The following DSCAM variants were observed in gnomAD, a reference collection of about 807,000 sequenced individuals.
The protein encoded by DSCAM is cell adhesion molecule DSCAM.
A neutral mutation model predicts 217.7 loss-of-function variants in DSCAM; 47 were observed. The ratio of observed to expected loss-of-function variants is 0.22; its 90% CI spans 0.17 to 0.28. The LOEUF is 0.28. Ranked by LOEUF, DSCAM falls within the 10% of genes least tolerant of loss-of-function variation. DSCAM has a pLI of 1.00. For missense variants in DSCAM, 2,080 were observed against 2,618.3 expected (o/e 0.79, Z 4.49); for synonymous variants, 1,056 against 1,015.3 (o/e 1.04, Z -0.76).
intron 5 of DSCAM, among the ~76,000 whole-genome samples, chr21:40,352,850 A>G (rs941493133): frequency 6.6e-6 from 1 of 152,034 alleles, no homozygotes; most frequent in African/African-American, 2.4e-5. Flanking sequence ...CCTTCCTCCA[A>G]ATCTGCCTTC....
intron 1 of DSCAM, among the ~76,000 whole-genome samples, chr21:40,766,807 A>G (rs1221885842): frequency 2.0e-5 from 3 of 149,624 alleles, no homozygotes; most frequent in Admixed American, 6.7e-5. Flanking sequence ...CTCCTGCCTC[A>G]GCTTCCCAAG....
At chr21:40,374,598 G>A (rs2074931631) in intron 3 of DSCAM, among the ~76,000 whole-genome samples, 1 of 152,246 alleles carries the variant, frequency 6.6e-6, no homozygotes. Context: ...AAGGCTTGGG[G>A]AAAGGAGGAT....
intron 1 of DSCAM, among the ~76,000 whole-genome samples, chr21:40,775,192 A>G (rs999592474): frequency 6.6e-6 from 1 of 152,138 alleles, no homozygotes; most frequent in Non-Finnish European, 1.5e-5. Context: ...CTTGAAAATC[A>G]CTATCAGAAA....
chr21:40,498,380 G>A lies in DSCAM; in HGVS notation c.509-129135C>T, dbSNP rs182047045. 1.4e-4 allele frequency among the ~76,000 whole-genome samples: 21 copies of A among 151,856 alleles called. No homozygotes were observed. The East Asian group carries it at 1.6e-3, about 11-fold the overall frequency. On this transcript the variant is annotated intron_variant, in intron 3 of 32. Transcript: ENST00000400454. Reference sequence around the variant, plus strand: ...CTGTGAGGACTAAACAAAGCAATGCGTATAAAAAACCACACAGTGGCTGGC... The same window carrying A: ...CTGTGAGGACTAAACAAAGCAATGCATATAAAAAACCACACAGTGGCTGGC...
intron 8 of DSCAM, 72 bp downstream of exon 8, chr21:40,338,029 T>C: frequency 6.4e-7 from 1 of 1,566,604 alleles, no homozygotes; most frequent in South Asian, 1.2e-5. Flanking sequence ...ATTACCCGAC[T>C]TCAAATCATT....
intron 3 of DSCAM, among the ~76,000 whole-genome samples, chr21:40,635,943 AAAAC>A (rs1480043012): frequency 1.3e-5 from 2 of 152,236 alleles, no homozygotes; most frequent in African/African-American, 4.8e-5. Context: ...TTAAAAAACT[AAAAC>A]AAATGAAAAG....
rs1568986503 is a variant in DSCAM at position 40,182,669 on chromosome 21, C to CGG, written c.2780-3576_2780-3575insCC. On this transcript the variant is annotated intron_variant, in intron 14 of 32. Coordinates refer to ENST00000400454, the MANE Select transcript of DSCAM (RefSeq NM_001389.5). ...AGGGGGTTACCAGAGAAACCGTGGA[C>CGG]AGGGGGGGGTTACCAGAGAAACCGT... Among the ~76,000 whole-genome samples the CGG allele has an allele frequency of 5.9e-3, 104 of 17,686 alleles. 1 individual carries two copies. Among genetic ancestry groups the CGG allele is most frequent in the African/African-American group, 8.9e-3 (30 of 3,352 alleles). 11.6% of individuals were successfully genotyped at this position (17,686 alleles called of 152,430 possible). A position where few individuals can be genotyped will look rare whatever the true frequency, so the allele number is the denominator to read the frequency against.
Position 40,175,542 on chromosome 21 carries a change from C to A in DSCAM, c.2947+3385G>T, listed in dbSNP as rs73362186. 7.5e-3 allele frequency among the ~76,000 whole-genome samples: 1,143 copies of A among 152,116 alleles called. 17 individuals carry two copies. Among genetic ancestry groups the A allele is most frequent in the African/African-American group, 0.026 (1,083 of 41,504 alleles). On this transcript the variant is annotated intron_variant, in intron 15 of 32. Transcript: ENST00000400454. ...ATAGTGCCTTCTTCCCATGTCCTCC[C>A]GGGGCAGAAGGGGTAAGTGATCTTA...
At chr21:40,117,150 C>G (rs376684823) in intron 20 of DSCAM, among the ~76,000 whole-genome samples, 134 of 151,944 alleles carry the variant, frequency 8.8e-4, no homozygotes, top group African/African-American at 2.8e-3. Flanking sequence ...GTACATAACA[C>G]AATTTCTTGC....
chr21:40,834,476 C>T (rs1215023321), intron 1 of DSCAM, among the ~76,000 whole-genome samples: 1 of 149,148 alleles, frequency 6.7e-6, no homozygotes, highest in African/African-American at 2.5e-5. Flanking sequence ...AATAGTTGCC[C>T]AGTTCCATGG....
At chr21:40,162,145 C>G (rs2090547349) in intron 16 of DSCAM, among the ~76,000 whole-genome samples, 1 of 152,124 alleles carries the variant, frequency 6.6e-6, no homozygotes, top group Non-Finnish European at 1.5e-5. Context: ...GCTCAGAAAC[C>G]CAGGAGGCAG....
rs73366924 is a variant in DSCAM, at chr21:40,569,103, T to A, written c.508+123707A>T. On this transcript the variant is annotated intron_variant, in intron 3 of 32. Coordinates refer to ENST00000400454, the MANE Select transcript of DSCAM (RefSeq NM_001389.5). ...AGGGTCCCTCAACTGGACACAGACCTACCCACTGTGCAGGAGAGCTGGCCC... is the reference window on the plus strand; with the variant it reads ...AGGGTCCCTCAACTGGACACAGACCAACCCACTGTGCAGGAGAGCTGGCCC... Among the ~76,000 whole-genome samples, 4 of 152,290 alleles carry A rather than the reference T, an allele frequency of 2.6e-5. No individual in the cohort carries two copies. The East Asian group carries it at 7.7e-4, about 29-fold the overall frequency.
rs1256170200 is a variant in DSCAM, at chr21:40,133,927, G to C, written c.3489C>G (p.Ile1163Met). The C allele has an allele frequency of 6.2e-7, 1 of 1,613,818 alleles. No homozygotes were observed. Among genetic ancestry groups the C allele is most frequent in the Non-Finnish European group, 8.5e-7 (1 of 1,179,880 alleles). The change falls in exon 19 of 33, where the codon ATC becomes ATG. Residue 1163 changes from isoleucine (I) to methionine (M), a missense_variant. Physicochemically the swap from Ile to Met is conservative, Grantham distance 10. Coordinates refer to ENST00000400454, the MANE Select transcript of DSCAM (RefSeq NM_001389.5). ...DGLEKYTNYS[I>M]QVLAFTRAGD... ...CTGCGCGGGTGAAGGCCAGCACCTG[G>C]ATGCTGTAGTTGGTGTACTTTTCCA...
Position 40,708,702 on chromosome 21 carries a change from C to G in DSCAM, c.113G>C (p.Ser38Thr). 1.2e-6 allele frequency: 2 copies of G among 1,611,428 alleles called. No individual in the cohort carries two copies. The highest frequency in any genetic ancestry group is 1.7e-5 in the Admixed American group (1 of 59,692). Residue 38 changes from serine (S) to threonine (T), a missense_variant, in exon 2 of 33, where the codon AGC becomes ACC. Physicochemically the swap from Ser to Thr is moderately conservative, Grantham distance 58 (BLOSUM62 1). Coordinates refer to ENST00000400454, the MANE Select transcript of DSCAM (RefSeq NM_001389.5). The stretch of plus-strand genomic sequence containing the variant: ...GCAGGGCACCAGAGTCCCCGTGGTG[C>G]TGGCAAACACTACCTCTTGCAGAGA... ...NASLQEVVFA[S>T]TTGTLVPCPA...
At chr21:40,733,871 C>A (rs763166413) in intron 1 of DSCAM, among the ~76,000 whole-genome samples, 12 of 152,128 alleles carry the variant, frequency 7.9e-5, no homozygotes, top group Non-Finnish European at 1.5e-4. Flanking sequence ...TGCTGCCACC[C>A]GTCAGCACCA....
At chr21:40,084,041 A>C (rs1408177393) in intron 23 of DSCAM, 35 bp from the exon 24 acceptor site, 2 of 1,534,346 alleles carry the variant, frequency 1.3e-6, no homozygotes, top group African/African-American at 2.8e-5. Flanking sequence ...AACAAGAATT[A>C]GTTTTTCACA....
chr21:40,676,292 C>A (rs960145639), intron 3 of DSCAM, among the ~76,000 whole-genome samples: 2 of 152,188 alleles, frequency 1.3e-5, no homozygotes, highest in African/African-American at 4.8e-5. Flanking sequence ...TACACATGTT[C>A]AGGACCATCA....
chr21:40,638,422 A>T (rs2089835317), intron 3 of DSCAM, among the ~76,000 whole-genome samples: 1 of 152,240 alleles, frequency 6.6e-6, no homozygotes, highest in African/African-American at 2.4e-5. Context: ...CACCATTAGA[A>T]GCAGATGCAA....
intron 14 of DSCAM, among the ~76,000 whole-genome samples, chr21:40,181,338 T>C (rs1202604348): frequency 6.6e-6 from 1 of 152,138 alleles, no homozygotes; most frequent in Admixed American, 6.5e-5. Context: ...TTGGGGCTTT[T>C]TGATAATTCT....
Sources: gnomAD v4.1 joint callset for allele counts (sites outside exome capture counted in the v4.1 genomes callset) on GRCh38, gnomAD v4.1.1 for gene constraint, MANE v1.5 for transcripts, NCBI Gene and HGNC (gene_info 2026-07-23, HGNC 2026-07-21) for gene names.